The following RPS6KC1 variants were observed in gnomAD, a reference collection of about 807,000 sequenced individuals.
RPS6KC1 encodes inactive ribosomal protein S6 kinase delta-1.
In RPS6KC1, 54 loss-of-function variants were observed where a neutral mutation model predicts 103.8. The observed-to-expected ratio is 0.52, with a 90% CI of 0.42 to 0.65. RPS6KC1 has a LOEUF of 0.65. Among genes scored for constraint, RPS6KC1 ranks in the 30% least tolerant of loss-of-function variants. The pLI, the probability that RPS6KC1 is intolerant of heterozygous loss-of-function variation, is 0.00. For missense variants in RPS6KC1, 1,151 were observed against 1,253.8 expected (o/e 0.92, Z 1.24); for synonymous variants, 439 against 438.7 (o/e 1.00, Z -0.01).
At chr1:213,618,554 A>G in the RPS6KC1 span, among the ~76,000 whole-genome samples, 1 of 152,224 alleles carries the variant, frequency 6.6e-6, no homozygotes, top group Non-Finnish European at 1.5e-5. Context: ...TATTATGCAA[A>G]GGCAAGGCAT....
At chr1:213,229,071 G>T (rs1275050857) in intron 8 of RPS6KC1, among the ~76,000 whole-genome samples, 1 of 152,114 alleles carries the variant, frequency 6.6e-6, no homozygotes, top group Non-Finnish European at 1.5e-5. Flanking sequence ...TATAGGAGGA[G>T]CAGCAGGCTG....
chr1:213,751,608 G>A, the RPS6KC1 span, among the ~76,000 whole-genome samples: 2 of 152,164 alleles, frequency 1.3e-5, no homozygotes, highest in African/African-American at 4.8e-5. Context: ...CAGTAACAGA[G>A]CAGGTGAGTG....
At chr1:213,715,479 G>A in the RPS6KC1 span, among the ~76,000 whole-genome samples, 1 of 152,152 alleles carries the variant, frequency 6.6e-6, no homozygotes. Context: ...CAAATGCATA[G>A]CACATTCAAA....
chr1:213,061,859 G>A (rs2077872536), intron 1 of RPS6KC1, among the ~76,000 whole-genome samples: 1 of 152,088 alleles, frequency 6.6e-6, no homozygotes, highest in African/African-American at 2.4e-5. Context: ...TTTGTACCTT[G>A]ACACTTAGTG....
At chr1:213,115,393 G>A (rs2083473542) in intron 4 of RPS6KC1, among the ~76,000 whole-genome samples, 1 of 151,958 alleles carries the variant, frequency 6.6e-6, no homozygotes, top group Non-Finnish European at 1.5e-5. Flanking sequence ...TGGGATCGGT[G>A]GTGATATCCC....
At chr1:213,674,548 A>G in the RPS6KC1 span, among the ~76,000 whole-genome samples, 1 of 152,320 alleles carries the variant, frequency 6.6e-6, no homozygotes, top group African/African-American at 2.4e-5. Context: ...CTACTGATGA[A>G]TGGCATCTAG....
chr1:213,266,416 G>C (rs565415476), intron 14 of RPS6KC1, among the ~76,000 whole-genome samples: 18 of 152,164 alleles, frequency 1.2e-4, no homozygotes, highest in Non-Finnish European at 2.4e-4. Flanking sequence ...AGTTGCACTT[G>C]ACTACTTTCT....
chr1:213,827,721 C>G, the RPS6KC1 span, among the ~76,000 whole-genome samples: 1 of 152,124 alleles, frequency 6.6e-6, no homozygotes, highest in Non-Finnish European at 1.5e-5. Flanking sequence ...GGTGATCACT[C>G]TCCTTCACCA....
intron 6 of RPS6KC1, among the ~76,000 whole-genome samples, chr1:213,140,619 A>G (rs1000179246): frequency 2.0e-5 from 3 of 152,028 alleles, no homozygotes; most frequent in South Asian, 2.1e-4. Context: ...TTTTAGTTCT[A>G]TTTATGTGGT....
the RPS6KC1 span, among the ~76,000 whole-genome samples, chr1:213,581,597 C>T: frequency 1.3e-5 from 2 of 152,024 alleles, no homozygotes; most frequent in Non-Finnish European, 1.5e-5. Flanking sequence ...TGGAAAAATG[C>T]CCAGGCATCT....
chr1:213,529,420 T>C, the RPS6KC1 span, among the ~76,000 whole-genome samples: 2 of 152,026 alleles, frequency 1.3e-5, no homozygotes, highest in Non-Finnish European at 2.9e-5. Flanking sequence ...AGACCAAGAG[T>C]ACTTTAAAAA....
the RPS6KC1 span, among the ~76,000 whole-genome samples, chr1:213,297,572 A>G: frequency 5.3e-5 from 8 of 152,178 alleles, no homozygotes; most frequent in African/African-American, 1.9e-4. Context: ...TGAATAAGTA[A>G]TTTAAGTGTA....
chr1:213,424,633 A>C, the RPS6KC1 span, among the ~76,000 whole-genome samples: 3 of 152,374 alleles, frequency 2.0e-5, no homozygotes, highest in African/African-American at 7.2e-5. Context: ...CCTGATGGAC[A>C]GTGCTCTCCT....
At chr1:213,377,395 G>C in the RPS6KC1 span, among the ~76,000 whole-genome samples, 5 of 152,242 alleles carry the variant, frequency 3.3e-5, no homozygotes, top group African/African-American at 9.6e-5. Context: ...AGTTCTCTCT[G>C]TGTCAGATTC....
At chr1:213,542,207 C>G in the RPS6KC1 span, among the ~76,000 whole-genome samples, 6 of 152,220 alleles carry the variant, frequency 3.9e-5, no homozygotes, top group African/African-American at 1.4e-4. Flanking sequence ...ATGTTGTCTG[C>G]TGAGCCCTGA....
chr1:213,327,236 A>AAAAAGAAAGAAAGAAAGAAAGAAAG, the RPS6KC1 span, among the ~76,000 whole-genome samples: 1,235 of 144,674 alleles, frequency 8.5e-3, 12 homozygotes, highest in Middle Eastern at 0.034. Flanking sequence ...GAAAGAAAAG[A>AAAAAGAAAGAAAGAAAGAAAGAAAG]AAAGAAAGAA....
the RPS6KC1 span, among the ~76,000 whole-genome samples, chr1:213,501,612 G>A: frequency 1.3e-5 from 2 of 151,820 alleles, no homozygotes; most frequent in African/African-American, 2.4e-5. Context: ...GTGAGCACAC[G>A]TAATCCCAGC....
chr1:213,363,593 CCTTGCTCGCTCGCTTG>C, the RPS6KC1 span, among the ~76,000 whole-genome samples: 2 of 106,414 alleles, frequency 1.9e-5, 1 homozygote, highest in African/African-American at 9.6e-5. Context: ...ATTCTTTAGC[CCTTGCTCGCTCGCTTG>C]CTTGCTTGCT....
the RPS6KC1 span, among the ~76,000 whole-genome samples, chr1:213,343,440 T>TATATATATACACAC: frequency 9.9e-5 from 8 of 80,414 alleles, 1 homozygote; most frequent in Non-Finnish European, 2.0e-4. Context: ...TATATATATA[T>TATATATATACACAC]ACATACCATG....
Sources: allele counts gnomAD v4.1 joint callset (sites outside exome capture counted in the v4.1 genomes callset), GRCh38; gene constraint gnomAD v4.1.1; transcripts MANE v1.5; gene names NCBI Gene and HGNC (gene_info 2026-07-23, HGNC 2026-07-21).